The following VPS13C variants were observed in gnomAD, a reference collection of about 807,000 sequenced individuals.
VPS13C encodes the protein intermembrane lipid transfer protein VPS13C.
In VPS13C, 358 loss-of-function variants were observed where a neutral mutation model predicts 456.8. The observed-to-expected ratio is 0.78, with a 90% CI of 0.72 to 0.86. VPS13C has a LOEUF of 0.86. Among genes scored for constraint, VPS13C ranks in the 40% least tolerant of loss-of-function variants. The pLI, the probability that VPS13C is intolerant of heterozygous loss-of-function variation, is 0.00. For missense variants in VPS13C, 4,818 were observed against 4,385.4 expected, an observed-to-expected ratio of 1.10 and a Z score of -2.79; for synonymous variants, 1,578 against 1,486.7, an observed-to-expected ratio of 1.06 and a Z score of -1.41.
chr15:62,000,116 C>CT (rs1168527761), intron 16 of VPS13C, among the ~76,000 whole-genome samples: 1 of 152,116 alleles, frequency 6.6e-6, no homozygotes, highest in Admixed American at 6.5e-5. Context: ...AATCCCAGCA[C>CT]TTTGAGAGGC....
At chr15:62,020,392 G>A (rs907411102) in intron 9 of VPS13C, 87 bp downstream of exon 9, 93 of 1,108,946 alleles carry the variant, frequency 8.4e-5, no homozygotes, top group Admixed American at 6.8e-4. Flanking sequence ...GTTCTTTGTC[G>A]CATAGTTGAT....
At position 61,981,470 on chromosome 15, in the gene VPS13C, G is replaced by A. The variant is rs2045885267; in HGVS notation, c.2038C>T (p.His680Tyr). Residue 680 changes from histidine to tyrosine, a missense_variant, in exon 22 of 85, where the codon CAT (histidine) becomes TAT (tyrosine). His to Tyr is a moderately conservative substitution (Grantham distance 83, BLOSUM62 2). Around this residue, in one of 3 missense-constraint regions of VPS13C, gnomAD observed 4,552 missense variants for 4,130.6 expected, o/e 1.10. Coordinates refer to ENST00000644861, the MANE Select transcript of VPS13C (RefSeq NM_020821.3). Reference protein sequence around the residue: ...IKERTATGLTHIIETRKVLDL... With the variant: ...IKERTATGLTYIIETRKVLDL... ...AGGACTTTTCGAGTTTCAATAATAT[G>A]TGTAAGTCCTAAAGACGTAAGAAAT... The A allele has an allele frequency of 6.3e-7, 1 of 1,599,322 alleles. No homozygotes were observed. The highest frequency in any genetic ancestry group is 1.7e-4 in the Middle Eastern group (1 of 5,960).
In VPS13C at chr15:62,033,492, G is replaced by C; in HGVS notation, c.334C>G (p.Gln112Glu). Reference sequence around the variant, plus strand: ...TCTTCAATTCGGGATAGCTCTTTCTGTTTAACATCCTGCAAGGATTTTTCT... The same window carrying C: ...TCTTCAATTCGGGATAGCTCTTTCTCTTTAACATCCTGCAAGGATTTTTCT... The part of the protein sequence containing the change: ...KEEKSLQDVK[Q>E]KELSRIEEAL... Residue 112 changes from glutamine to glutamate, a missense_variant, in exon 5 of 85, where the codon CAG becomes GAG. Around this residue, in one of 3 missense-constraint regions of VPS13C, gnomAD observed 4,552 missense variants for 4,130.6 expected, o/e 1.10. Coordinates refer to ENST00000644861, the MANE Select transcript of VPS13C (RefSeq NM_020821.3). The C allele has an allele frequency of 6.2e-7, 1 of 1,607,718 alleles. No homozygotes were observed. The highest frequency in any genetic ancestry group is 8.5e-7 in the Non-Finnish European group (1 of 1,176,678).
intron 49 of VPS13C, 100 bp from the exon 50 acceptor site, chr15:61,931,359 C>A: frequency 8.1e-7 from 1 of 1,232,636 alleles, no homozygotes; most frequent in Non-Finnish European, 1.1e-6. Flanking sequence ...GCAAACTGAT[C>A]TCATGAATTT....
At position 61,982,593 on chromosome 15, in the gene VPS13C, A is replaced by T. The variant is rs868845422; in HGVS notation, c.1915-20T>A. The T allele has an allele frequency of 6.4e-7, 1 of 1,566,180 alleles. No homozygotes were observed. Among genetic ancestry groups the T allele is most frequent in the Middle Eastern group, 1.8e-4 (1 of 5,714 alleles). On this transcript the variant is annotated intron_variant, in intron 20 of 84. Transcript: ENST00000644861. ...AGTTTTCTATAAGAAAATTTTTTTA[A>T]CATAACCAAGTTACACATGGTTCTT...
At chr15:61,865,802 G>GTA (rs1459641200) in intron 81 of VPS13C, 13 of 527,396 alleles carry the variant, frequency 2.5e-5, no homozygotes, top group African/African-American at 4.8e-5. Context: ...ATGTGTGTGT[G>GTA]TATATATATA....
rs189589656 is a variant in VPS13C at position 61,904,573 on chromosome 15, T to C, written c.9105+2691A>G. Among the ~76,000 whole-genome samples the C allele has an allele frequency of 4.5e-3, 685 of 151,344 alleles. 4 individuals are homozygous for C. The highest frequency in any genetic ancestry group is 8.2e-3 in the Non-Finnish European group (555 of 67,896). On this transcript the variant is annotated intron_variant, in intron 66 of 84. Transcript: ENST00000644861. ...GGGAATGTAAAGTAGTAGAGCTACA[T>C]GGAAAACAGTATGGAGTTTCCTCAA...
intron 66 of VPS13C, among the ~76,000 whole-genome samples, chr15:61,903,793 A>G (rs796898700): frequency 5.4e-4 from 82 of 152,288 alleles, no homozygotes; most frequent in African/African-American, 1.9e-3. Flanking sequence ...AAACAGACCA[A>G]TGGAACAAAA....
At chr15:61,957,625 A>C (rs1251466742) in intron 37 of VPS13C, among the ~76,000 whole-genome samples, 1 of 152,172 alleles carries the variant, frequency 6.6e-6, no homozygotes, top group African/African-American at 2.4e-5. Context: ...GCAATCGGCA[A>C]GATCTGTCAA....
chr15:61,962,792 T>C lies in VPS13C; in HGVS notation c.3392A>G (p.Asn1131Ser), dbSNP rs1328986403. 1.2e-6 allele frequency: 2 copies of C among 1,608,016 alleles called. No individual in the cohort carries two copies. The highest frequency in any genetic ancestry group is 1.7e-5 in the Admixed American group (1 of 59,924). ...TGGATCAACATCTGTGACAATAATA[T>C]TTTCTAGTCGGGCAAAAAGTGACTG... ...RKQSLFARLE[N>S]IIVTDVDPKT... Residue 1131 changes from asparagine (N) to serine (S), a missense_variant, in exon 33 of 85, where the codon AAT (asparagine) becomes AGT (serine). Physicochemically the swap from Asn to Ser is conservative, Grantham distance 46. Transcript: ENST00000644861.
At chr15:61,970,509 G>GTT (rs2045513987) in intron 27 of VPS13C, among the ~76,000 whole-genome samples, 1 of 152,116 alleles carries the variant, frequency 6.6e-6, no homozygotes, top group East Asian at 1.9e-4. Context: ...AATACTTAAA[G>GTT]AAGAGGCCAA....
Position 61,963,859 on chromosome 15 carries a change from T to G in VPS13C, c.3307A>C (p.Asn1103His), listed in dbSNP as rs1188951276. The G allele has an allele frequency of 6.2e-7, 1 of 1,611,204 alleles. No individual in the cohort carries two copies. The highest frequency in any genetic ancestry group is 1.7e-5 in the Admixed American group (1 of 59,750). Residue 1103 changes from asparagine (N) to histidine (H), a missense_variant, in exon 32 of 85, where the codon AAT becomes CAT. By Grantham distance (68) the Asn-to-His change is moderately conservative (BLOSUM62 1). Around this residue, in one of 3 missense-constraint regions of VPS13C, gnomAD observed 4,552 missense variants for 4,130.6 expected, o/e 1.10. Coordinates refer to ENST00000644861, the MANE Select transcript of VPS13C (RefSeq NM_020821.3). ...CCTTGAATCTTGATTTCGGCGATATTGTTCTTTTCGTTGCAAACAATGACA... is the reference window on the plus strand; with the variant it reads ...CCTTGAATCTTGATTTCGGCGATATGGTTCTTTTCGTTGCAAACAATGACA... ...FCVIVCNEKN[N>H]IAEIKIQGLD...
intron 75 of VPS13C, among the ~76,000 whole-genome samples, chr15:61,876,723 TA>T (rs1280606629): frequency 6.6e-6 from 1 of 152,124 alleles, no homozygotes; most frequent in Non-Finnish European, 1.5e-5. Context: ...ATAAAGTCAC[TA>T]TTCTTTCCCA....
intron 66 of VPS13C, among the ~76,000 whole-genome samples, chr15:61,900,796 T>C (rs1410445622): frequency 1.5e-4 from 22 of 151,610 alleles, no homozygotes; most frequent in East Asian, 3.9e-4. Flanking sequence ...GAGCCCGCAT[T>C]GCCAAGTCAA....
chr15:61,907,250 A>G lies in VPS13C; in HGVS notation c.9105+14T>C, dbSNP rs112914036. 2 of 1,613,428 alleles carry G rather than the reference A, an allele frequency of 1.2e-6. No individual in the cohort carries two copies. Among genetic ancestry groups the G allele is most frequent in the South Asian group, 2.2e-5 (2 of 91,068 alleles). ...CAGGTAACTCATATAGCACTCATTC[A>G]CATCAAAAGATACCTTTAACAGATC... On this transcript the variant is annotated intron_variant, in intron 66 of 84. Coordinates refer to ENST00000644861, the MANE Select transcript of VPS13C (RefSeq NM_020821.3).
At chr15:61,888,598 T>C (rs145370319) in intron 67 of VPS13C, among the ~76,000 whole-genome samples, 1 of 152,158 alleles carries the variant, frequency 6.6e-6, no homozygotes, top group Non-Finnish European at 1.5e-5. Context: ...AGAAGTTAAT[T>C]TGAATAGGTT....
chr15:61,875,909 T>A, intron 75 of VPS13C, 64 bp from the exon 76 acceptor site: 2 of 1,131,392 alleles, frequency 1.8e-6, no homozygotes, highest in Non-Finnish European at 1.2e-6. Context: ...CATAATGAAA[T>A]AGAAAAAAAG....
In VPS13C at chr15:62,044,266, A is replaced by G; in HGVS notation, c.101-11T>C. 5 of 1,433,060 alleles carry G rather than the reference A, an allele frequency of 3.5e-6. No individual in the cohort carries two copies. The highest frequency in any genetic ancestry group is 4.8e-6 in the Non-Finnish European group (5 of 1,039,750). The allele number at this position is 1,433,060 out of a possible 1,614,324, so 88.8% of individuals were successfully genotyped here. A position where few individuals can be genotyped will look rare whatever the true frequency, so the allele number is the denominator to read the frequency against. ...CTAAAGCCACATTTCCTTTAAAAAA[A>G]GAAAACAAAGAAAAATATTACTATA... On this transcript the variant is annotated splice_polypyrimidine_tract_variant and intron_variant, in intron 1 of 84. Coordinates refer to ENST00000644861, the MANE Select transcript of VPS13C (RefSeq NM_020821.3).
intron 66 of VPS13C, among the ~76,000 whole-genome samples, chr15:61,892,954 TAAAA>T (rs540425192): frequency 2.1e-3 from 316 of 151,662 alleles, no homozygotes; most frequent in African/African-American, 7.1e-3. Flanking sequence ...GAAAACAGAA[TAAAA>T]AAGAACAAAG....
Sources: gnomAD v4.1 joint callset for allele counts (sites outside exome capture counted in the v4.1 genomes callset) on GRCh38, gnomAD v4.1.1 for gene constraint, gnomAD v4.1.1 regional missense constraint, MANE v1.5 for transcripts, NCBI Gene and HGNC (gene_info 2026-07-23, HGNC 2026-07-21) for gene names.